DNER: variants seen among roughly 807,000 people sequenced by gnomAD.
The protein encoded by DNER is delta and Notch-like epidermal growth factor-related receptor.
In DNER, 33 loss-of-function variants were observed where a neutral mutation model predicts 78.2. The observed-to-expected ratio is 0.42, with a 90% CI of 0.32 to 0.56. DNER has a LOEUF of 0.56. Ranked by LOEUF, DNER falls within the 20% of genes least tolerant of loss-of-function variation. The pLI is 0.11. For synonymous variants in DNER, 417 were observed against 384.8 expected, an observed-to-expected ratio of 1.08 and a Z score of -0.98; for missense variants, 918 against 975.3, an observed-to-expected ratio of 0.94 and a Z score of 0.78.
At chr2:229,419,116 T>C (rs1693710669) in intron 8 of DNER, among the ~76,000 whole-genome samples, 1 of 152,160 alleles carries the variant, frequency 6.6e-6, no homozygotes, top group African/African-American at 2.4e-5. Context: ...AAATTGTACC[T>C]AAATGTTTAA....
chr2:229,707,678 C>T (rs1699851168), intron 1 of DNER, among the ~76,000 whole-genome samples: 2 of 152,334 alleles, frequency 1.3e-5, no homozygotes, highest in African/African-American at 4.8e-5. Context: ...TCTGAGAGCT[C>T]TTCCTCTCAA....
intron 8 of DNER, among the ~76,000 whole-genome samples, chr2:229,438,354 T>C (rs1045852798): frequency 2.0e-5 from 3 of 152,210 alleles, no homozygotes; most frequent in Admixed American, 6.5e-5. Context: ...ATCTTGTTCT[T>C]GTGATTGGTT....
At chr2:229,411,411 G>T (rs1471682681) in intron 9 of DNER, among the ~76,000 whole-genome samples, 1 of 152,110 alleles carries the variant, frequency 6.6e-6, no homozygotes, top group Non-Finnish European at 1.5e-5. Flanking sequence ...ACAAAAATTA[G>T]CCGGGCATGG....
At chr2:229,373,086 C>T (rs939536975) in intron 11 of DNER, among the ~76,000 whole-genome samples, 2 of 151,968 alleles carry the variant, frequency 1.3e-5, no homozygotes, top group African/African-American at 4.8e-5. Context: ...GCAACAAATG[C>T]AAAAATTGAC....
rs557558332 is a variant in DNER at position 229,626,208 on chromosome 2, C to G, written c.277-34320G>C. 2.0e-5 allele frequency among the ~76,000 whole-genome samples: 3 copies of G among 152,236 alleles called. No homozygotes were observed. The East Asian group carries it at 5.8e-4, about 29-fold the overall frequency. On this transcript the variant is annotated intron_variant, in intron 1 of 12. Coordinates refer to ENST00000341772, the MANE Select transcript of DNER (RefSeq NM_139072.4). ...TGCTGGGATTACAGGCGTGAGCCAC[C>G]GTGCCCGGCCTACTATGCAACTTCA...
intron 6 of DNER, among the ~76,000 whole-genome samples, chr2:229,505,600 A>G (rs981276848): frequency 3.9e-5 from 6 of 152,094 alleles, no homozygotes; most frequent in Non-Finnish European, 7.4e-5. Context: ...ATTCAAGGAG[A>G]GCAGAAATGA....
intron 1 of DNER, among the ~76,000 whole-genome samples, chr2:229,657,006 G>GTGTGTGTA (rs1354927737): frequency 6.6e-6 from 1 of 151,636 alleles, no homozygotes; most frequent in Non-Finnish European, 1.5e-5. Context: ...GTGTGTGTGT[G>GTGTGTGTA]TGTGTGGTGA....
chr2:229,438,881 T>G (rs1033110387), intron 8 of DNER, among the ~76,000 whole-genome samples: 3 of 152,164 alleles, frequency 2.0e-5, no homozygotes, highest in African/African-American at 7.2e-5. Flanking sequence ...CAGAAAAATT[T>G]TTCAGTCAGT....
At chr2:229,586,629 C>A (rs1697508022) in intron 3 of DNER, 1 of 984,578 alleles carries the variant, frequency 1.0e-6, no homozygotes, top group African/African-American at 1.8e-5. Context: ...TGCCCTCCTG[C>A]GCTTTTCTCC....
Position 229,661,432 on chromosome 2 carries a change from C to G in DNER, c.276+52716G>C, listed in dbSNP as rs1208741142. ...AACCCTAAAGTTCCAAGATCATAAACTACCAAGACCAGGAAATAGAGATCT... is the reference window on the plus strand; with the variant it reads ...AACCCTAAAGTTCCAAGATCATAAAGTACCAAGACCAGGAAATAGAGATCT... On this transcript the variant is annotated intron_variant, in intron 1 of 12. Transcript: ENST00000341772. Among the ~76,000 whole-genome samples the G allele has an allele frequency of 1.5e-4, 5 of 34,022 alleles. No individual in the cohort carries two copies. In the Non-Finnish European group the frequency reaches 2.1e-3, roughly 14 times the overall value. 22.3% of individuals were successfully genotyped at this position (34,022 alleles called of 152,430 possible).
chr2:229,391,866 T>C (rs1559339182), intron 10 of DNER, among the ~76,000 whole-genome samples: 1 of 152,176 alleles, frequency 6.6e-6, no homozygotes, highest in Non-Finnish European at 1.5e-5. Context: ...ATGTACTACC[T>C]TCTGTGAGGC....
intron 8 of DNER, among the ~76,000 whole-genome samples, chr2:229,431,131 T>C (rs1693995201): frequency 6.6e-6 from 1 of 152,202 alleles, no homozygotes; most frequent in Admixed American, 6.5e-5. Context: ...TCATAATTAA[T>C]TTATATTTGG....
intron 1 of DNER, among the ~76,000 whole-genome samples, chr2:229,623,642 C>T (rs1421883256): frequency 3.3e-5 from 5 of 152,208 alleles, no homozygotes; most frequent in Admixed American, 2.0e-4. Flanking sequence ...AGTCCTTGAT[C>T]GCTACTGCAG....
At chr2:229,508,859 C>T (rs1261245590) in intron 6 of DNER, among the ~76,000 whole-genome samples, 7 of 151,368 alleles carry the variant, frequency 4.6e-5, no homozygotes, top group African/African-American at 7.3e-5. Context: ...CCAGCCTGGG[C>T]GACAGAGTGA....
chr2:229,541,197 C>G (rs1011988499), intron 5 of DNER, among the ~76,000 whole-genome samples: 8 of 152,130 alleles, frequency 5.3e-5, no homozygotes, highest in Admixed American at 3.3e-4. Flanking sequence ...TCAGAATCAC[C>G]CTGCTGCCCA....
At chr2:229,483,859 A>T (rs1695217816) in intron 6 of DNER, among the ~76,000 whole-genome samples, 1 of 152,174 alleles carries the variant, frequency 6.6e-6, no homozygotes, top group African/African-American at 2.4e-5. Context: ...TACTTGAAAC[A>T]CACACACATA....
chr2:229,626,974 G>T (rs1257115421), intron 1 of DNER, among the ~76,000 whole-genome samples: 1 of 152,178 alleles, frequency 6.6e-6, no homozygotes, highest in South Asian at 2.1e-4. Context: ...CAATCACGTT[G>T]GAAAACTGAG....
chr2:229,664,535 C>A (rs1699058333), intron 1 of DNER, among the ~76,000 whole-genome samples: 1 of 152,030 alleles, frequency 6.6e-6, no homozygotes, highest in African/African-American at 2.4e-5. Flanking sequence ...AATAGTAAGG[C>A]CAAGAACTGA....
At chr2:229,381,805 C>T (rs890467589) in intron 11 of DNER, among the ~76,000 whole-genome samples, 1 of 152,202 alleles carries the variant, frequency 6.6e-6, no homozygotes, top group Non-Finnish European at 1.5e-5. Flanking sequence ...AAACTCCCAT[C>T]TCCCTGGGAC....
Sources: gnomAD v4.1 joint callset for allele counts (sites outside exome capture counted in the v4.1 genomes callset) on GRCh38, gnomAD v4.1.1 for gene constraint, MANE v1.5 for transcripts, NCBI Gene and HGNC (gene_info 2026-07-23, HGNC 2026-07-21) for gene names.